Variants in CNTNAP4 observed in about 807,000 individuals in gnomAD.
CNTNAP4 encodes the protein contactin associated protein family member 4.
CNTNAP4 carries 98 observed loss-of-function variants against 148.4 expected under a neutral mutation model. The observed-to-expected ratio is 0.66, with a 90% CI of 0.56 to 0.78. The LOEUF (loss-of-function observed/expected upper bound fraction) is 0.78, where lower values mean the gene tolerates loss of function less well. CNTNAP4 is among the 30% of genes least tolerant of loss of function. The pLI is 0.00. For synonymous variants in CNTNAP4, 730 were observed against 565.1 expected, an observed-to-expected ratio of 1.29 and a Z score of -4.14; for missense variants, 1,935 against 1,565.6, an observed-to-expected ratio of 1.24 and a Z score of -3.98.
intron 3 of CNTNAP4, among the ~76,000 whole-genome samples, chr16:76,387,230 C>T (rs1449054867): frequency 3.9e-5 from 6 of 152,112 alleles, no homozygotes; most frequent in East Asian, 1.9e-4. Context: ...ATTTATAGTC[C>T]GATAAGTGAT....
chr16:76,295,695 G>A (rs1959225391), intron 1 of CNTNAP4, among the ~76,000 whole-genome samples: 2 of 152,228 alleles, frequency 1.3e-5, no homozygotes, highest in East Asian at 1.9e-4. Flanking sequence ...ACATGTGAGA[G>A]GAAGGAGTGG....
At chr16:76,368,355 A>G (rs978847553) in intron 3 of CNTNAP4, among the ~76,000 whole-genome samples, 1 of 152,244 alleles carries the variant, frequency 6.6e-6, no homozygotes, top group Non-Finnish European at 1.5e-5. Flanking sequence ...AAGTTATTCT[A>G]CTATAAAGAT....
At chr16:76,421,759 T>C (rs1429581718) in intron 3 of CNTNAP4, among the ~76,000 whole-genome samples, 12 of 152,128 alleles carry the variant, frequency 7.9e-5, no homozygotes, top group Admixed American at 7.9e-4. Context: ...TCACAAGAAT[T>C]CTCACAACAA....
At chr16:76,424,112 C>A (rs74026775) in intron 3 of CNTNAP4, among the ~76,000 whole-genome samples, 1 of 152,022 alleles carries the variant, frequency 6.6e-6, no homozygotes, top group East Asian at 1.9e-4. Flanking sequence ...TTATTCTTAA[C>A]GTTTTCAAAA....
chr16:76,380,914 T>C (rs2015903022), intron 3 of CNTNAP4, among the ~76,000 whole-genome samples: 1 of 152,160 alleles, frequency 6.6e-6, no homozygotes, highest in African/African-American at 2.4e-5. Flanking sequence ...CATGAACTCA[T>C]TTACTTTCTT....
intron 2 of CNTNAP4, among the ~76,000 whole-genome samples, chr16:76,347,661 A>G (rs1400563045): frequency 6.6e-6 from 1 of 152,172 alleles, no homozygotes; most frequent in Non-Finnish European, 1.5e-5. Context: ...TAGGCAGCAA[A>G]GGTATTAGCC....
At chr16:76,400,000 C>G (rs1203947555) in intron 3 of CNTNAP4, among the ~76,000 whole-genome samples, 1 of 152,006 alleles carries the variant, frequency 6.6e-6, no homozygotes, top group Non-Finnish European at 1.5e-5. Context: ...ATTATTAATA[C>G]AAACTATTTT....
At chr16:76,304,986 AC>A (rs1236575742) in intron 1 of CNTNAP4, among the ~76,000 whole-genome samples, 1 of 152,216 alleles carries the variant, frequency 6.6e-6, no homozygotes, top group African/African-American at 2.4e-5. Context: ...TGTATGTAGC[AC>A]AGTTTGTTTA....
chr16:76,360,076 TA>T (rs2013216715), intron 3 of CNTNAP4, among the ~76,000 whole-genome samples: 1 of 152,232 alleles, frequency 6.6e-6, no homozygotes, highest in Admixed American at 6.5e-5. Flanking sequence ...TTGCTTTATT[TA>T]AAATAGACTT....
intron 17 of CNTNAP4, among the ~76,000 whole-genome samples, chr16:76,533,127 G>A (rs1481835856): frequency 2.6e-5 from 4 of 152,018 alleles, no homozygotes; most frequent in Admixed American, 1.3e-4. Flanking sequence ...AAAAAGTGGT[G>A]TATATATGTA....
rs904613505 is a variant in CNTNAP4 at position 76,475,993 on chromosome 16, C to G, written c.1710C>G (p.Thr570=). Reference sequence around the variant, plus strand: ...GGGAGTGTTCCCAGTCCTGGAGCACCTTTCATTGTAACTGTACCAACACTG... The same window carrying G: ...GGGAGTGTTCCCAGTCCTGGAGCACGTTTCATTGTAACTGTACCAACACTG... ...HGGECSQSWS[T]FHCNCTNTGY... Residue 570 remains threonine, a synonymous_variant, in exon 11 of 24, where the codon ACC becomes ACG. Transcript: ENST00000611870. 6.2e-7 allele frequency: 1 copy of G among 1,613,898 alleles called. No homozygotes were observed. Among genetic ancestry groups the G allele is most frequent in the African/African-American group, 1.3e-5 (1 of 75,042 alleles).
intron 3 of CNTNAP4, among the ~76,000 whole-genome samples, chr16:76,423,776 T>C (rs1000527735): frequency 9.9e-5 from 15 of 152,188 alleles, no homozygotes; most frequent in Admixed American, 2.6e-4. Flanking sequence ...TGCAAATTTA[T>C]TGATCAGTTA....
intron 1 of CNTNAP4, 37 bp from the exon 2 acceptor site, chr16:76,316,376 C>G (rs1364509988): frequency 1.4e-6 from 2 of 1,409,360 alleles, no homozygotes; most frequent in East Asian, 2.3e-5. Flanking sequence ...AGCCTCAGCA[C>G]TAACTAACCC....
intron 11 of CNTNAP4, among the ~76,000 whole-genome samples, chr16:76,476,445 G>T (rs2081583111): frequency 6.6e-6 from 1 of 152,114 alleles, no homozygotes; most frequent in African/African-American, 2.4e-5. Context: ...AACAGCCCTG[G>T]TTGGAGTGGG....
At chr16:76,301,184 T>G (rs959914907) in intron 1 of CNTNAP4, among the ~76,000 whole-genome samples, 1 of 152,156 alleles carries the variant, frequency 6.6e-6, no homozygotes, top group Non-Finnish European at 1.5e-5. Flanking sequence ...AGACTGTTGA[T>G]CTTTGTCTTT....
chr16:76,467,327 A>G, intron 9 of CNTNAP4, 25 bp from the exon 10 acceptor site: 1 of 1,608,946 alleles, frequency 6.2e-7, no homozygotes, highest in Middle Eastern at 1.7e-4. Context: ...TGTGATGCGT[A>G]CTGGATTTAT....
chr16:76,292,473 C>T (rs529826501), intron 1 of CNTNAP4, among the ~76,000 whole-genome samples: 3 of 152,278 alleles, frequency 2.0e-5, no homozygotes, highest in Non-Finnish European at 2.9e-5. Context: ...CAGCCCTCAG[C>T]GGCATTACCA....
intron 17 of CNTNAP4, among the ~76,000 whole-genome samples, chr16:76,532,215 A>G (rs538976381): frequency 9.2e-5 from 14 of 152,358 alleles, no homozygotes; most frequent in African/African-American, 2.6e-4. Flanking sequence ...GATGCATACA[A>G]GAAAACGGAT....
At chr16:76,436,861 C>G (rs1200658293) in intron 4 of CNTNAP4, among the ~76,000 whole-genome samples, 2 of 151,984 alleles carry the variant, frequency 1.3e-5, no homozygotes, top group Admixed American at 1.3e-4. Flanking sequence ...TCCAGAAACC[C>G]CAAAACAGCT....
Sources: allele counts gnomAD v4.1 joint callset (sites outside exome capture counted in the v4.1 genomes callset), GRCh38; gene constraint gnomAD v4.1.1; transcripts MANE v1.5; gene names NCBI Gene and HGNC (gene_info 2026-07-23, HGNC 2026-07-21).